TOM1: variants seen among roughly 807,000 people sequenced by gnomAD.
TOM1 encodes the protein target of myb1 membrane trafficking protein, also known as target of Myb protein 1.
TOM1 carries 38 observed loss-of-function variants against 61.3 expected under a neutral mutation model. The observed-to-expected ratio is 0.62, with a 90% CI of 0.48 to 0.81. TOM1 has a LOEUF of 0.81. Ranked by LOEUF, TOM1 falls within the 40% of genes least tolerant of loss-of-function variation. TOM1 has a pLI of 0.00. For missense variants in TOM1, 591 were observed against 659.6 expected, an observed-to-expected ratio of 0.90 and a Z score of 1.14; for synonymous variants, 270 against 268.8, an observed-to-expected ratio of 1.00 and a Z score of -0.04.
intron 12 of TOM1, 75 bp from the exon 13 acceptor site, chr22:35,345,650 C>A: frequency 2.6e-6 from 4 of 1,510,322 alleles, no homozygotes; most frequent in South Asian, 1.1e-5. Context: ...GGCCACCCAG[C>A]TGCAGGGTGC....
chr22:35,343,637 ACAC>A (rs758200021), intron 12 of TOM1, among the ~76,000 whole-genome samples: 32 of 126,356 alleles, frequency 2.5e-4, no homozygotes, highest in Admixed American at 3.3e-4. Flanking sequence ...ACACCTACAC[ACAC>A]CACACCTATA....
At position 35,323,129 on chromosome 22, in the gene TOM1, G is replaced by A; in HGVS notation, c.318G>A (p.Lys106=). The A allele has an allele frequency of 1.2e-6, 2 of 1,614,132 alleles. No individual in the cohort carries two copies. Residue 106 remains lysine (K), a synonymous_variant, in exon 4 of 15, where the codon AAG becomes AAA. Coordinates refer to ENST00000449058, the MANE Select transcript of TOM1 (RefSeq NM_005488.3). The surrounding 1 kb of genome is among the most constrained non-coding windows in gnomAD (Gnocchi z 4.2). Reference sequence around the variant, plus strand: ...TGCTGGTGAGGACCATCCTGCCCAAGAACAACCCACCCACCATCGTGCATG... The same window carrying A: ...TGCTGGTGAGGACCATCCTGCCCAAAAACAACCCACCCACCATCGTGCATG... The part of the protein sequence containing the change: ...ESVLVRTILP[K]NNPPTIVHDK...
chr22:35,303,752 C>A (rs901331631), intron 1 of TOM1, among the ~76,000 whole-genome samples: 1 of 152,152 alleles, frequency 6.6e-6, no homozygotes, highest in Non-Finnish European at 1.5e-5. Flanking sequence ...GCCACCTTAG[C>A]CTCCCAAAGT....
chr22:35,347,031 C>T, intron 14 of TOM1, 24 bp from the exon 15 acceptor site: 1 of 1,609,142 alleles, frequency 6.2e-7, no homozygotes. Flanking sequence ...CAGGGCCTAC[C>T]CTCACCCTCT....
At chr22:35,317,755 T>C (rs968129791) in intron 1 of TOM1, 122 bp from the exon 2 acceptor site, 1 of 714,742 alleles carries the variant, frequency 1.4e-6, no homozygotes, top group African/African-American at 1.7e-5. Flanking sequence ...GCCCAGGAAG[T>C]GTCTGTCATC....
intron 7 of TOM1, 67 bp from the exon 8 acceptor site, chr22:35,330,280 A>C (rs1028208924): frequency 6.6e-6 from 9 of 1,372,330 alleles, no homozygotes; most frequent in Admixed American, 4.8e-5. Context: ...CCGTCTCACA[A>C]AAAAAAAAAG....
At chr22:35,318,109 TCTGAGCCCCTAGTAC>T (rs1277205342) in intron 2 of TOM1, 148 bp downstream of exon 2, 6 of 695,322 alleles carry the variant, frequency 8.6e-6, no homozygotes, top group African/African-American at 7.0e-5. Context: ...GCAGAGGCCA[TCTGAGCCCCTAGTAC>T]CTGAGCCCCA....
intron 1 of TOM1, among the ~76,000 whole-genome samples, chr22:35,302,893 G>T (rs1024086689): frequency 6.6e-6 from 1 of 152,168 alleles, no homozygotes; most frequent in Admixed American, 6.5e-5. Flanking sequence ...AGGAAGTACT[G>T]CTCCCTGGCT....
Position 35,323,840 on chromosome 22 carries a change from G to A in TOM1, c.574G>A (p.Gly192Ser). ...GTDSSQQEDS[G>S]QHAAPLPAPP... ...TGACTCCAGCCAGCAAGAGGACTCT[G>A]GCCAGCATGCTGCCCCTCTGCCCGC... Residue 192 changes from glycine (G) to serine (S), a missense_variant, in exon 6 of 15, where the codon GGC becomes AGC. By Grantham distance (56) the Gly-to-Ser change is moderately conservative. Coordinates refer to ENST00000449058, the MANE Select transcript of TOM1 (RefSeq NM_005488.3). This position sits in a 1 kb window ranked among gnomAD's most constrained non-coding sequence, Gnocchi z 4.2. The A allele has an allele frequency of 2.5e-6, 4 of 1,612,908 alleles. No individual in the cohort carries two copies. Among genetic ancestry groups the A allele is most frequent in the Non-Finnish European group, 3.4e-6 (4 of 1,179,388 alleles).
chr22:35,319,043 C>T (rs1046636006), intron 2 of TOM1, among the ~76,000 whole-genome samples: 2 of 152,176 alleles, frequency 1.3e-5, no homozygotes, highest in African/African-American at 4.8e-5. Flanking sequence ...AGGAACCTGC[C>T]GGTGTCTTCC....
intron 1 of TOM1, among the ~76,000 whole-genome samples, chr22:35,306,601 A>G (rs1926350101): frequency 6.6e-6 from 1 of 152,148 alleles, no homozygotes; most frequent in Admixed American, 6.6e-5. Flanking sequence ...TCTGTTCTTC[A>G]ATGTCCTCGT....
Position 35,345,525 on chromosome 22 carries a change from G to C in TOM1, c.1225-200G>C, listed in dbSNP as rs1930430848. 4 of 609,890 alleles carry C rather than the reference G, an allele frequency of 6.6e-6. No individual in the cohort carries two copies. In the East Asian group the frequency reaches 1.1e-4, roughly 17 times the overall value. 37.8% of individuals were successfully genotyped at this position (609,890 alleles called of 1,614,324 possible). A position where few individuals can be genotyped will look rare whatever the true frequency, so the allele number is the denominator to read the frequency against. Reference sequence around the variant, plus strand: ...GCCCTGCTCCAGCTGCTGGGAGCCTGGTCCCCTGCTTAGTCTCCTGGCTCT... The same window carrying C: ...GCCCTGCTCCAGCTGCTGGGAGCCTCGTCCCCTGCTTAGTCTCCTGGCTCT... On this transcript the variant is annotated intron_variant, in intron 12 of 14. Coordinates refer to ENST00000449058, the MANE Select transcript of TOM1 (RefSeq NM_005488.3).
intron 11 of TOM1, among the ~76,000 whole-genome samples, chr22:35,336,200 T>C (rs957499187): frequency 6.6e-6 from 1 of 152,174 alleles, no homozygotes; most frequent in African/African-American, 2.4e-5. Context: ...AGGGCTTGGT[T>C]TCCACCCTGG....
chr22:35,338,209 G>A (rs541777382), intron 11 of TOM1, among the ~76,000 whole-genome samples: 25 of 152,310 alleles, frequency 1.6e-4, no homozygotes, highest in Middle Eastern at 3.4e-3. Context: ...ATGCTGCTGA[G>A]ACAAGGTGGG....
chr22:35,313,035 C>T (rs1387414910), intron 1 of TOM1, among the ~76,000 whole-genome samples: 1 of 152,014 alleles, frequency 6.6e-6, no homozygotes, highest in Non-Finnish European at 1.5e-5. Flanking sequence ...TCCCAGAAGG[C>T]TGGTGTGGAA....
intron 1 of TOM1, 69 bp downstream of exon 1, chr22:35,300,049 C>T (rs1317572330): frequency 2.0e-6 from 3 of 1,525,324 alleles, no homozygotes; most frequent in Non-Finnish European, 2.7e-6. Flanking sequence ...CCTGGGAAGC[C>T]TCCGGGTGCC....
Position 35,325,475 on chromosome 22 carries a change from C to A in TOM1, c.648+1561C>A, listed in dbSNP as rs970606790. ...CTCTTGTCTCTAATCCTAATGTAAC[C>A]TCATATACATTTCTGTTACGTTAGG... On this transcript the variant is annotated intron_variant, in intron 6 of 14. Transcript: ENST00000449058. Among the ~76,000 whole-genome samples, 5 of 152,180 alleles carry A rather than the reference C, an allele frequency of 3.3e-5. No individual in the cohort carries two copies. In the South Asian group the frequency reaches 1.0e-3, roughly 31 times the overall value.
intron 11 of TOM1, among the ~76,000 whole-genome samples, chr22:35,337,818 A>G (rs1466790606): frequency 6.6e-6 from 1 of 152,180 alleles, no homozygotes. Flanking sequence ...TCAAAGCTGC[A>G]CTGAGCCAGT....
At chr22:35,344,227 C>T (rs1377308247) in intron 12 of TOM1, 1 of 152,340 alleles carries the variant, frequency 6.6e-6, no homozygotes, top group East Asian at 1.9e-4. Context: ...GGAAAAGCCT[C>T]AGTGACTGGA....
Sources: gnomAD v4.1 joint callset for allele counts (sites outside exome capture counted in the v4.1 genomes callset) on GRCh38, gnomAD v4.1.1 for gene constraint, Gnocchi (gnomAD v3.1) non-coding constraint, MANE v1.5 for transcripts, NCBI Gene and HGNC (gene_info 2026-07-23, HGNC 2026-07-21) for gene names.